ZRANB3: variants seen among roughly 807,000 people sequenced by gnomAD.
ZRANB3 encodes the protein zinc finger RANBP2-type containing 3.
In ZRANB3, 125 loss-of-function variants were observed where a neutral mutation model predicts 133.8. That is an observed-to-expected ratio of 0.93 (90% CI 0.81 to 1.08). The LOEUF is 1.08. Ranked by LOEUF, ZRANB3 falls within the 50% of genes least tolerant of loss-of-function variation. The pLI, the probability that ZRANB3 is intolerant of heterozygous loss-of-function variation, is 0.00. For synonymous variants in ZRANB3, 387 were observed against 432.7 expected, an observed-to-expected ratio of 0.89 and a Z score of 1.31; for missense variants, 1,229 against 1,275.5, an observed-to-expected ratio of 0.96 and a Z score of 0.56.
At chr2:135,492,625 G>A (rs1692441195) in intron 2 of ZRANB3, among the ~76,000 whole-genome samples, 1 of 151,924 alleles carries the variant, frequency 6.6e-6, no homozygotes, top group Admixed American at 6.6e-5. Context: ...CCAGTCTGAA[G>A]AAAAAGTAAA....
At chr2:135,530,100 G>T (rs1352171474) in intron 1 of ZRANB3, among the ~76,000 whole-genome samples, 3 of 151,118 alleles carry the variant, frequency 2.0e-5, no homozygotes, top group African/African-American at 4.9e-5. Context: ...AGTGGCGCGC[G>T]CCTGTAATCC....
At chr2:135,361,853 C>G (rs1034264668) in intron 3 of ZRANB3, among the ~76,000 whole-genome samples, 1 of 152,132 alleles carries the variant, frequency 6.6e-6, no homozygotes, top group East Asian at 1.9e-4. Flanking sequence ...ATTGTTAGTG[C>G]TATTTCCAAT....
chr2:135,221,809 G>A (rs1694565782), intron 15 of ZRANB3, among the ~76,000 whole-genome samples: 1 of 152,168 alleles, frequency 6.6e-6, no homozygotes, highest in African/African-American at 2.4e-5. Context: ...TGGTAGACCA[G>A]GCTCCAAACC....
At chr2:135,359,014 G>A (rs1297020517) in intron 3 of ZRANB3, among the ~76,000 whole-genome samples, 2 of 151,458 alleles carry the variant, frequency 1.3e-5, no homozygotes, top group African/African-American at 4.9e-5. Flanking sequence ...CTACTTGGGA[G>A]CCTGCCCTCC....
intron 12 of ZRANB3, among the ~76,000 whole-genome samples, chr2:135,241,247 G>T: frequency 6.6e-6 from 1 of 150,506 alleles, no homozygotes; most frequent in African/African-American, 2.4e-5. Flanking sequence ...CCTTCTTTTT[G>T]TCTTTTTACC....
chr2:135,258,307 T>C (rs1221619815), intron 12 of ZRANB3, among the ~76,000 whole-genome samples: 2 of 152,104 alleles, frequency 1.3e-5, no homozygotes, highest in African/African-American at 4.8e-5. Context: ...GACAGTGAAG[T>C]AAAAAGGGCT....
At chr2:135,275,104 T>G (rs1270779226) in intron 9 of ZRANB3, among the ~76,000 whole-genome samples, 1 of 152,200 alleles carries the variant, frequency 6.6e-6, no homozygotes, top group Non-Finnish European at 1.5e-5. Flanking sequence ...AAAACCGCCA[T>G]CGTCATCATG....
chr2:135,407,652 C>A (rs1688103304), intron 2 of ZRANB3, among the ~76,000 whole-genome samples: 1 of 151,612 alleles, frequency 6.6e-6, no homozygotes, highest in African/African-American at 2.4e-5. Context: ...AGAACAGAGA[C>A]CTCAGAAATA....
chr2:135,349,847 C>G, intron 5 of ZRANB3, 137 bp downstream of exon 5: 1 of 645,684 alleles, frequency 1.5e-6, no homozygotes, highest in South Asian at 1.9e-5. Flanking sequence ...TACGTACTAT[C>G]TAGAAATTCC....
rs144981663 is a variant in ZRANB3, at chr2:135,360,360, G to A, written c.181-6732C>T. Among the ~76,000 whole-genome samples, 6 of 151,922 alleles carry A rather than the reference G, an allele frequency of 3.9e-5. No homozygotes were observed. The East Asian group carries it at 1.2e-3, about 30-fold the overall frequency. On this transcript the variant is annotated intron_variant, in intron 3 of 20. Coordinates refer to ENST00000264159, the MANE Select transcript of ZRANB3 (RefSeq NM_032143.4). The stretch of plus-strand genomic sequence containing the variant: ...CATGCGTTTGTACTCCAGCCTGGGC[G>A]ACAAGAGTGAAACTCCACCTCAAAA...
At chr2:135,439,120 G>A (rs1409283909) in intron 2 of ZRANB3, among the ~76,000 whole-genome samples, 2 of 151,928 alleles carry the variant, frequency 1.3e-5, no homozygotes, top group African/African-American at 4.8e-5. Context: ...TAAGTTTTTT[G>A]CCAAGAAAAA....
chr2:135,499,192 T>C (rs1181597312), intron 2 of ZRANB3, among the ~76,000 whole-genome samples: 1 of 152,148 alleles, frequency 6.6e-6, no homozygotes, highest in African/African-American at 2.4e-5. Flanking sequence ...TCTTTCCCTT[T>C]ATTTCTCAGG....
At chr2:135,404,040 A>G (rs955012302) in intron 2 of ZRANB3, among the ~76,000 whole-genome samples, 9 of 152,346 alleles carry the variant, frequency 5.9e-5, no homozygotes, top group Non-Finnish European at 1.3e-4. Flanking sequence ...TAACAATCAG[A>G]GCGCCTCTCC....
At chr2:135,338,174 C>T (rs1684453933) in intron 6 of ZRANB3, among the ~76,000 whole-genome samples, 1 of 152,046 alleles carries the variant, frequency 6.6e-6, no homozygotes, top group African/African-American at 2.4e-5. Context: ...ATGGATCTAG[C>T]ATACAAAAAA....
intron 1 of ZRANB3, among the ~76,000 whole-genome samples, chr2:135,526,444 G>T (rs549123267): frequency 2.4e-4 from 37 of 152,230 alleles, no homozygotes; most frequent in African/African-American, 8.9e-4. Context: ...GATTACAGGC[G>T]TGAGCCAATG....
At chr2:135,222,401 C>CA (rs1177564767) in intron 15 of ZRANB3, among the ~76,000 whole-genome samples, 1,482 of 76,628 alleles carry the variant, frequency 0.019, 11 homozygotes, top group African/African-American at 0.025. Context: ...GACTCAGTCT[C>CA]AAAAAAAAAA....
Position 135,227,901 on chromosome 2 carries a change from G to A in ZRANB3, c.2069C>T (p.Ala690Val), listed in dbSNP as rs1366541836. 2 of 1,563,886 alleles carry A rather than the reference G, an allele frequency of 1.3e-6. No individual in the cohort carries two copies. The highest frequency in any genetic ancestry group is 2.7e-5 in the African/African-American group (2 of 73,934). Reference protein sequence around the residue: ...TISDCEKQALAQSEPGQLADS... With the variant: ...TISDCEKQALVQSEPGQLADS... ...AGCCAACTGGCCAGGTTCTGACTGT[G>A]CAAGGGCTTGTTTTTCACAGTCTGA... The change falls in exon 14 of 21, where the codon GCA becomes GTA. Residue 690 changes from alanine (A) to valine (V), a missense_variant. Ala to Val is a moderately conservative substitution (Grantham distance 64). Coordinates refer to ENST00000264159, the MANE Select transcript of ZRANB3 (RefSeq NM_032143.4).
chr2:135,434,095 C>T (rs1003259630), intron 2 of ZRANB3, among the ~76,000 whole-genome samples: 4 of 151,692 alleles, frequency 2.6e-5, no homozygotes, highest in South Asian at 2.1e-4. Flanking sequence ...CCAGGAGGCA[C>T]GGGTTGCAGT....
intron 2 of ZRANB3, among the ~76,000 whole-genome samples, chr2:135,413,320 T>G (rs1429836500): frequency 2.0e-5 from 3 of 152,180 alleles, no homozygotes; most frequent in African/African-American, 7.2e-5. Context: ...GTCTCTTTAG[T>G]GATTAAGCCA....
Sources: allele counts gnomAD v4.1 joint callset (sites outside exome capture counted in the v4.1 genomes callset), GRCh38; gene constraint gnomAD v4.1.1; transcripts MANE v1.5; gene names NCBI Gene and HGNC (gene_info 2026-07-23, HGNC 2026-07-21).